The following TMEM50B variants were observed in gnomAD, a reference collection of about 807,000 sequenced individuals.
TMEM50B encodes transmembrane protein 50B.
A neutral mutation model predicts 23.4 loss-of-function variants in TMEM50B; 14 were observed. The ratio of observed to expected loss-of-function variants is 0.60; its 90% confidence interval spans 0.39 to 0.93. TMEM50B has a LOEUF of 0.93. Among genes scored for constraint, TMEM50B ranks in the 40% least tolerant of loss-of-function variants. The pLI is 0.00. For missense variants in TMEM50B, 159 were observed against 193.0 expected (o/e 0.82, Z 1.04); for synonymous variants, 64 against 62.3 (o/e 1.03, Z -0.13).
rs71194848 is a variant in TMEM50B at position 33,470,424 on chromosome 21, C to CAAA, written c.-41-1501_-41-1499dup. Among the ~76,000 whole-genome samples, 43 of 65,938 alleles carry CAAA rather than the reference C, an allele frequency of 6.5e-4. 7 individuals carry two copies. The highest frequency in any genetic ancestry group is 1.4e-3 in the Admixed American group (7 of 4,984). The allele number at this position is 65,938 out of a possible 152,430, so 43.3% of individuals were successfully genotyped here. A position where few individuals can be genotyped will look rare whatever the true frequency, so the allele number is the denominator to read the frequency against. Reference sequence around the variant, plus strand: ...TGGGAGACAAAGCGAGACTGTGTCTCAAAAAAAAAAAAAAAAAAAAAAATC... The same window carrying CAAA: ...TGGGAGACAAAGCGAGACTGTGTCTCAAAAAAAAAAAAAAAAAAAAAAAAAATC... On this transcript the variant is annotated intron_variant, in intron 1 of 6. Transcript: ENST00000542230.
At chr21:33,437,161 A>T in intron 8 of TMEM50B, 1 of 572,228 alleles carries the variant, frequency 1.7e-6, no homozygotes, top group Non-Finnish European at 3.1e-6. Flanking sequence ...TTCAAAATCA[A>T]ATTCCAGAAT....
At chr21:33,453,681 C>T (rs961270610) in intron 6 of TMEM50B, among the ~76,000 whole-genome samples, 2 of 152,058 alleles carry the variant, frequency 1.3e-5, no homozygotes, top group African/African-American at 4.8e-5. Context: ...AATCAAATTA[C>T]TTAAAACCAG....
chr21:33,477,538 A>G (rs904131464), intron 1 of TMEM50B, among the ~76,000 whole-genome samples: 33 of 152,040 alleles, frequency 2.2e-4, no homozygotes, highest in Admixed American at 1.8e-3. Context: ...TACTTTAATC[A>G]TTTAAAAAGT....
chr21:33,457,240 C>T (rs1326417252), intron 5 of TMEM50B, among the ~76,000 whole-genome samples: 5 of 149,512 alleles, frequency 3.3e-5, no homozygotes, highest in African/African-American at 9.9e-5. Flanking sequence ...GACGACAGGG[C>T]GAAACTCCAT....
At chr21:33,479,546 C>T (rs1182446406) in intron 1 of TMEM50B, among the ~76,000 whole-genome samples, 1 of 152,192 alleles carries the variant, frequency 6.6e-6, no homozygotes, top group Non-Finnish European at 1.5e-5. Context: ...CGCAACCTGA[C>T]GGCGTGACAG....
chr21:33,461,346 C>T (rs1200015300), intron 4 of TMEM50B, among the ~76,000 whole-genome samples: 1 of 152,154 alleles, frequency 6.6e-6, no homozygotes, highest in African/African-American at 2.4e-5. Context: ...ATGGTTAGAA[C>T]AGCTGATATC....
chr21:33,468,428 T>C (rs2084284250), intron 2 of TMEM50B: 1 of 187,198 alleles, frequency 5.3e-6, no homozygotes, highest in South Asian at 1.2e-4. Context: ...GTCACTGTTG[T>C]CTGACCTTCA....
At chr21:33,460,867 GA>G (rs1042090641) in intron 4 of TMEM50B, among the ~76,000 whole-genome samples, 1 of 152,164 alleles carries the variant, frequency 6.6e-6, no homozygotes, top group African/African-American at 2.4e-5. Context: ...TTCAAATGAA[GA>G]AGGACTAATA....
At chr21:33,478,937 C>G (rs1196385078) in intron 1 of TMEM50B, 2 of 418,782 alleles carry the variant, frequency 4.8e-6, no homozygotes, top group African/African-American at 4.2e-5. Context: ...AAGAGAAAAT[C>G]GGGTCTTACA....
At chr21:33,446,550 T>C (rs1471142998), downstream of TMEM50B, among the ~76,000 whole-genome samples, 1 of 147,648 alleles carries the variant, frequency 6.8e-6, no homozygotes, top group Non-Finnish European at 1.5e-5. Context: ...AATTACATTT[T>C]TCAACATGTT....
At chr21:33,473,312 G>A (rs1324694104) in intron 1 of TMEM50B, among the ~76,000 whole-genome samples, 2 of 151,888 alleles carry the variant, frequency 1.3e-5, no homozygotes, top group African/African-American at 4.8e-5. Context: ...AATTATCTGG[G>A]CATGGTGGCC....
intron 7 of TMEM50B, among the ~76,000 whole-genome samples, chr21:33,442,936 ACAAAT>A: frequency 6.6e-6 from 1 of 151,964 alleles, no homozygotes; most frequent in Admixed American, 6.6e-5. Flanking sequence ...AAAAAACAAA[ACAAAT>A]CAAAACAAAA....
chr21:33,470,989 C>T (rs1447023506), intron 1 of TMEM50B, among the ~76,000 whole-genome samples: 2 of 152,142 alleles, frequency 1.3e-5, no homozygotes, highest in Non-Finnish European at 2.9e-5. Context: ...CCCCTTGGCA[C>T]AAAGTGGCCA....
At chr21:33,437,419 G>T in intron 8 of TMEM50B, 1 of 161,360 alleles carries the variant, frequency 6.2e-6, no homozygotes, top group Admixed American at 6.1e-5. Flanking sequence ...ATGGTGTGCT[G>T]GCTTAAAATG....
intron 1 of TMEM50B, 96 bp downstream of exon 1, chr21:33,479,742 C>G (rs1248631586): frequency 6.6e-6 from 1 of 152,460 alleles, no homozygotes; most frequent in Non-Finnish European, 1.5e-5. Flanking sequence ...AAGGCCGGGC[C>G]GGACAGGGCC....
chr21:33,438,568 C>T (rs2083979209), intron 8 of TMEM50B, among the ~76,000 whole-genome samples: 1 of 152,020 alleles, frequency 6.6e-6, no homozygotes, highest in Non-Finnish European at 1.5e-5. Context: ...GAGGCCGAGG[C>T]AGGCAGATCA....
At chr21:33,436,193 T>C (rs2083948899) in intron 8 of TMEM50B, among the ~76,000 whole-genome samples, 1 of 149,496 alleles carries the variant, frequency 6.7e-6, no homozygotes, top group African/African-American at 2.5e-5. Context: ...CCGTCTCTAC[T>C]TAAAATACAA....
chr21:33,468,980 A>T, intron 1 of TMEM50B, 54 bp from the exon 2 acceptor site: 3 of 901,956 alleles, frequency 3.3e-6, no homozygotes, highest in Non-Finnish European at 5.2e-6. Flanking sequence ...TTCTAAAAGT[A>T]AAATACCTTA....
chr21:33,445,101 A>C (rs892820157), downstream of TMEM50B, among the ~76,000 whole-genome samples: 5 of 150,992 alleles, frequency 3.3e-5, no homozygotes, highest in African/African-American at 1.2e-4. Flanking sequence ...AAAAAAAAAA[A>C]CCAGAAACTG....
Sources: gnomAD v4.1 joint callset for allele counts (sites outside exome capture counted in the v4.1 genomes callset) on GRCh38, gnomAD v4.1.1 for gene constraint, MANE v1.5 for transcripts, NCBI Gene and HGNC (gene_info 2026-07-23, HGNC 2026-07-21) for gene names.